SUPT6H: variants seen among roughly 807,000 people sequenced by gnomAD.
The protein encoded by SUPT6H is transcription elongation factor SPT6.
SUPT6H carries 11 observed loss-of-function variants against 222.3 expected under a neutral mutation model. The observed-to-expected ratio is 0.05, with a 90% CI of 0.03 to 0.08. The LOEUF is 0.08. Ranked by LOEUF, SUPT6H falls within the 10% of genes least tolerant of loss-of-function variation. The probability of loss-of-function intolerance (pLI) is 1.00; values close to 1 mark genes in which losing one functional copy is unlikely to be tolerated. For missense variants in SUPT6H, 1,422 were observed against 2,216.0 expected (o/e 0.64, Z 7.19); for synonymous variants, 762 against 801.2 (o/e 0.95, Z 0.83).
chr17:28,690,963 G>T lies in SUPT6H; in HGVS notation c.3533G>T (p.Arg1178Leu). 6.2e-7 allele frequency: 1 copy of T among 1,613,996 alleles called. No individual in the cohort carries two copies. The highest frequency in any genetic ancestry group is 1.1e-5 in the South Asian group (1 of 91,074). ...ICNVTGIAHR[R>L]PQGESYDQAI... ...AATGTCACTGGCATTGCCCACAGGCGTCCCCAGGGTGAGAGCTATGACCAG... is the reference window on the plus strand; with the variant it reads ...AATGTCACTGGCATTGCCCACAGGCTTCCCCAGGGTGAGAGCTATGACCAG... Residue 1178 changes from arginine to leucine, a missense_variant, in exon 27 of 37, where the codon CGT (arginine) becomes CTT (leucine). Physicochemically the swap from Arg to Leu is moderately radical, Grantham distance 102. Around this residue, in one of 13 missense-constraint regions of SUPT6H, gnomAD observed 60 missense variants for 96.7 expected, o/e 0.62. Coordinates refer to ENST00000314616, the MANE Select transcript of SUPT6H (RefSeq NM_003170.5).
In SUPT6H at chr17:28,697,654, A is replaced by C; in HGVS notation, c.4244A>C (p.Tyr1415Ser). The change falls in exon 31 of 37, where the codon TAT (tyrosine) becomes TCT (serine). Residue 1415 changes from tyrosine to serine, a missense_variant. Coordinates refer to ENST00000314616, the MANE Select transcript of SUPT6H (RefSeq NM_003170.5). ...GATTTGGATGAGATTGTTGCTCGCT[A>C]TGTCCAGCCCATGGCATCCTTTGCC... is the stretch of plus-strand genomic sequence containing the variant. ...FEDLDEIVAR[Y>S]VQPMASFARD... 6.2e-7 allele frequency: 1 copy of C among 1,614,196 alleles called. No individual in the cohort carries two copies. Among genetic ancestry groups the C allele is most frequent in the Non-Finnish European group, 8.5e-7 (1 of 1,180,034 alleles).
At chr17:28,680,279 C>G (rs2031025163) in intron 11 of SUPT6H, among the ~76,000 whole-genome samples, 1 of 151,732 alleles carries the variant, frequency 6.6e-6, no homozygotes, top group Admixed American at 6.6e-5. Context: ...GCACTCCAGC[C>G]TGGGTGATGA....
At chr17:28,689,624 A>G (rs1341841406) in intron 25 of SUPT6H, 63 bp downstream of exon 25, 7 of 1,511,228 alleles carry the variant, frequency 4.6e-6, no homozygotes, top group Non-Finnish European at 6.4e-6. Flanking sequence ...TTGGTAGGAG[A>G]CTTGGGCAGT....
At chr17:28,677,072 T>C (rs1294129475) in intron 7 of SUPT6H, among the ~76,000 whole-genome samples, 1 of 148,492 alleles carries the variant, frequency 6.7e-6, no homozygotes, top group Admixed American at 6.7e-5. Flanking sequence ...TTACTAAAAA[T>C]GTAAAAAATT....
chr17:28,683,786 G>A lies in SUPT6H; in HGVS notation c.2199G>A (p.Leu733=), dbSNP rs750035863. 23 of 1,613,640 alleles carry A rather than the reference G, an allele frequency of 1.4e-5. No homozygotes were observed. The highest frequency in any genetic ancestry group is 1.8e-5 in the Non-Finnish European group (21 of 1,179,970). Reference sequence around the variant, plus strand: ...TGGCCAAAGAACTCAAGAACAAGCTGCTGGCTGAAGCCAAGGAATATGTCA... The same window carrying A: ...TGGCCAAAGAACTCAAGAACAAGCTACTGGCTGAAGCCAAGGAATATGTCA... ...VQMAKELKNK[L]LAEAKEYVIK... is the part of the protein sequence containing the mutation. The change falls in exon 17 of 37, where the codon CTG becomes CTA. Residue 733 remains leucine (L), a synonymous_variant. Transcript: ENST00000314616.
rs780137169 is a variant in SUPT6H at position 28,675,484 on chromosome 17, G to A, written c.622G>A (p.Ala208Thr). 18 of 1,613,964 alleles carry A rather than the reference G, an allele frequency of 1.1e-5. No individual in the cohort carries two copies. The highest frequency in any genetic ancestry group is 3.3e-4 in the Middle Eastern group (2 of 6,084). Residue 208 changes from alanine (A) to threonine (T), a missense_variant and splice_region_variant, in exon 6 of 37, where the codon GCG becomes ACG. Physicochemically the swap from Ala to Thr is moderately conservative, Grantham distance 58. Coordinates refer to ENST00000314616, the MANE Select transcript of SUPT6H (RefSeq NM_003170.5). Reference protein sequence around the residue: ...WRKKLPGYTDAALQEAQEIFG... With the variant: ...WRKKLPGYTDTALQEAQEIFG... The stretch of plus-strand genomic sequence containing the variant: ...GAAAAAGCTTCCTGGATACACAGAC[G>A]CGTGAGTGGGGTCTGGTACAAGGTG...
chr17:28,675,203 A>G (rs374504870), intron 5 of SUPT6H, 41 bp downstream of exon 5: 55 of 1,569,984 alleles, frequency 3.5e-5, no homozygotes, highest in Non-Finnish European at 4.1e-5. Flanking sequence ...TTGGATGGGT[A>G]TTGGGATTTC....
chr17:28,697,109 C>T, intron 30 of SUPT6H, 27 bp downstream of exon 30: 1 of 1,597,620 alleles, frequency 6.3e-7, no homozygotes, highest in Non-Finnish European at 8.6e-7. Context: ...GCCCACCTCC[C>T]ATCCCACTCC....
intron 19 of SUPT6H, 23 bp downstream of exon 19, chr17:28,684,984 C>G: frequency 6.3e-7 from 1 of 1,596,064 alleles, no homozygotes; most frequent in Non-Finnish European, 8.6e-7. Flanking sequence ...GACGAGGATA[C>G]TAAGTGTACA....
rs762535228 is a variant in SUPT6H, at chr17:28,699,924, G to T, written c.4561+31G>T. 3.1e-6 allele frequency: 5 copies of T among 1,592,954 alleles called. No individual in the cohort carries two copies. The South Asian group carries it at 3.3e-5, about 11-fold the overall frequency. ...TTCTGCTCTTCCTGACTTCAGGGAC[G>T]TGGCTGGAGGAACACCTAGGACCTG... On this transcript the variant is annotated intron_variant, in intron 33 of 36. Coordinates refer to ENST00000314616, the MANE Select transcript of SUPT6H (RefSeq NM_003170.5).
intron 5 of SUPT6H, 61 bp downstream of exon 5, chr17:28,675,223 G>A: frequency 6.5e-7 from 1 of 1,540,024 alleles, no homozygotes; most frequent in South Asian, 1.2e-5. Context: ...CCTGGCCCAT[G>A]GGAACAGGAT....
intron 1 of SUPT6H, among the ~76,000 whole-genome samples, chr17:28,666,776 G>A (rs952343914): frequency 2.2e-4 from 33 of 152,094 alleles, no homozygotes; most frequent in African/African-American, 6.7e-4. Context: ...GGTCTCGAGC[G>A]TCTGACCTGA....
At chr17:28,683,504 G>A (rs369724138) in intron 16 of SUPT6H, 82 bp downstream of exon 16, 11 of 1,590,162 alleles carry the variant, frequency 6.9e-6, no homozygotes, top group East Asian at 2.2e-5. Flanking sequence ...TCAGGAGTGG[G>A]GAACCACAAT....
At position 28,698,022 on chromosome 17, in the gene SUPT6H, T is replaced by C. The variant is rs1173361093; in HGVS notation, c.4440T>C (p.Gly1480=). Residue 1480 remains glycine, a synonymous_variant, in exon 32 of 37, where the codon GGT becomes GGC. Transcript: ENST00000314616. The part of the protein sequence containing the change: ...GKFLLGYQPR[G]KPRIEYVTVT... ...TCCTACTGGGATACCAGCCCCGGGG[T>C]AAACCCAGGTGAGCACTAGTGCTGA... 1 of 1,609,266 alleles carries C rather than the reference T, an allele frequency of 6.2e-7. No individual in the cohort carries two copies. Among genetic ancestry groups the C allele is most frequent in the African/African-American group, 1.3e-5 (1 of 74,880 alleles).
chr17:28,681,899 G>A lies in SUPT6H; in HGVS notation c.1516G>A (p.Glu506Lys). 1 of 1,609,906 alleles carries A rather than the reference G, an allele frequency of 6.2e-7. No individual in the cohort carries two copies. ...CTTCCCAGGTGAAGGTGACGAGGCA[G>A]AAGATGAGGAGCAGAGGGGGCCTGA... ...GDEEGEGDEAEDEEQRGPELK... is the reference protein window; with the variant it reads ...GDEEGEGDEAKDEEQRGPELK... The change falls in exon 13 of 37, where the codon GAA (glutamate) becomes AAA (lysine). Residue 506 changes from glutamate (E) to lysine (K), a missense_variant. Physicochemically the swap from Glu to Lys is moderately conservative, Grantham distance 56. Coordinates refer to ENST00000314616, the MANE Select transcript of SUPT6H (RefSeq NM_003170.5).
chr17:28,695,098 G>T, intron 28 of SUPT6H: 1 of 453,282 alleles, frequency 2.2e-6, no homozygotes, highest in Non-Finnish European at 4.0e-6. Flanking sequence ...GAGTGCCAGG[G>T]ACAGGGTAGA....
chr17:28,696,138 T>C (rs2031898837), intron 29 of SUPT6H, among the ~76,000 whole-genome samples: 1 of 152,008 alleles, frequency 6.6e-6, no homozygotes, highest in African/African-American at 2.4e-5. Flanking sequence ...AACCCCCGTC[T>C]CTACCAAACG....
At chr17:28,663,972 A>G (rs1287068490) in intron 1 of SUPT6H, among the ~76,000 whole-genome samples, 1 of 151,264 alleles carries the variant, frequency 6.6e-6, no homozygotes, top group Non-Finnish European at 1.5e-5. Context: ...AAGTGCCACC[A>G]CATCTACTTT....
chr17:28,698,516 C>CT (rs1478001614), intron 32 of SUPT6H, among the ~76,000 whole-genome samples: 2 of 152,248 alleles, frequency 1.3e-5, no homozygotes, highest in Non-Finnish European at 2.9e-5. Flanking sequence ...TTCTGTGTGA[C>CT]TAACAGGCTG....
Sources: gnomAD v4.1 joint callset for allele counts (sites outside exome capture counted in the v4.1 genomes callset) on GRCh38, gnomAD v4.1.1 for gene constraint, gnomAD v4.1.1 regional missense constraint, MANE v1.5 for transcripts, NCBI Gene and HGNC (gene_info 2026-07-23, HGNC 2026-07-21) for gene names.